The following NRG3 variants were observed in gnomAD, a reference collection of about 807,000 sequenced individuals.
NRG3 encodes neuregulin 3.
A neutral mutation model predicts 66.9 loss-of-function variants in NRG3; 31 were observed. The observed-to-expected ratio is 0.46, with a 90% confidence interval of 0.35 to 0.63. NRG3 has a LOEUF of 0.63. NRG3 is among the 20% of genes least tolerant of loss of function. NRG3 has a pLI of 0.00. For synonymous variants in NRG3, 393 were observed against 359.4 expected (o/e 1.09, Z -1.06); for missense variants, 910 against 878.9 (o/e 1.04, Z -0.45).
intron 2 of NRG3, among the ~76,000 whole-genome samples, chr10:82,505,852 C>T (rs1290999978): frequency 6.6e-6 from 1 of 152,206 alleles, no homozygotes; most frequent in Non-Finnish European, 1.5e-5. Context: ...AACCTAAGCT[C>T]ATGCAAATTT....
At chr10:82,859,672 A>C (rs560155459) in intron 3 of NRG3, among the ~76,000 whole-genome samples, 1 of 152,348 alleles carries the variant, frequency 6.6e-6, no homozygotes, top group African/African-American at 2.4e-5. Flanking sequence ...AAGAAGAAAA[A>C]GTTCAAGGGA....
intron 3 of NRG3, among the ~76,000 whole-genome samples, chr10:82,768,066 C>T (rs558568551): frequency 6.6e-5 from 10 of 152,260 alleles, no homozygotes; most frequent in African/African-American, 2.4e-4. Flanking sequence ...GAGTCACACT[C>T]TCTCAACAGA....
chr10:81,946,349 A>G (rs1234668132), intron 1 of NRG3, among the ~76,000 whole-genome samples: 2 of 152,166 alleles, frequency 1.3e-5, no homozygotes, highest in African/African-American at 4.8e-5. Flanking sequence ...GAACTGTGAG[A>G]TAAGTCCTGC....
intron 2 of NRG3, among the ~76,000 whole-genome samples, chr10:82,435,102 A>G (rs2090052808): frequency 6.6e-6 from 1 of 152,092 alleles, no homozygotes; most frequent in African/African-American, 2.4e-5. Context: ...TAGGCTATTC[A>G]TTACTGCCTC....
chr10:82,427,774 A>G (rs1283956454), intron 2 of NRG3, among the ~76,000 whole-genome samples: 1 of 152,096 alleles, frequency 6.6e-6, no homozygotes, highest in African/African-American at 2.4e-5. Flanking sequence ...GAAGATTTAC[A>G]AAGGACTGGT....
At chr10:82,648,001 T>G (rs1434100561) in intron 2 of NRG3, among the ~76,000 whole-genome samples, 5 of 148,314 alleles carry the variant, frequency 3.4e-5, no homozygotes, top group African/African-American at 4.9e-5. Flanking sequence ...AGAAGCTCTT[T>G]AGTTTAATTA....
intron 2 of NRG3, among the ~76,000 whole-genome samples, chr10:82,514,904 G>A (rs970423519): frequency 1.1e-4 from 17 of 152,066 alleles, no homozygotes; most frequent in Middle Eastern, 3.4e-3. Context: ...TCTTTTTGCC[G>A]TGTTAAATGA....
intron 2 of NRG3, among the ~76,000 whole-genome samples, chr10:82,694,324 A>T (rs995986485): frequency 5.9e-5 from 9 of 152,248 alleles, no homozygotes; most frequent in African/African-American, 2.2e-4. Context: ...CAGGAAGTCC[A>T]GCTGGCTTCA....
At chr10:82,813,575 G>A (rs889921565) in intron 3 of NRG3, among the ~76,000 whole-genome samples, 2 of 152,078 alleles carry the variant, frequency 1.3e-5, no homozygotes, top group African/African-American at 4.8e-5. Flanking sequence ...TTCCATATGA[G>A]ACTTCCTCGA....
intron 2 of NRG3, among the ~76,000 whole-genome samples, chr10:82,724,336 A>G (rs542646939): frequency 6.6e-6 from 1 of 152,194 alleles, no homozygotes; most frequent in South Asian, 2.1e-4. Flanking sequence ...GATGAATGTC[A>G]TACATAATGA....
In NRG3 at chr10:82,303,991, C is replaced by G. The variant is rs192872848; in HGVS notation, c.824-54748C>G. On this transcript the variant is annotated intron_variant, in intron 1 of 8. Transcript: ENST00000372141. Reference sequence around the variant, plus strand: ...AGCAATGTAACATGAATGACATTGTCATTTCCTGTGTAGGCCAGTATGCCT... The same window carrying G: ...AGCAATGTAACATGAATGACATTGTGATTTCCTGTGTAGGCCAGTATGCCT... 4.0e-3 allele frequency among the ~76,000 whole-genome samples: 606 copies of G among 152,264 alleles called. 2 individuals carry two copies. Among genetic ancestry groups the G allele is most frequent in the Non-Finnish European group, 5.2e-3 (353 of 68,016 alleles).
intron 2 of NRG3, among the ~76,000 whole-genome samples, chr10:82,431,067 T>A (rs186736784): frequency 6.6e-4 from 101 of 152,286 alleles, no homozygotes; most frequent in Middle Eastern, 3.4e-3. Context: ...AGGGTTTTGG[T>A]GGCTTGCCTC....
chr10:82,522,849 A>G (rs970773730), intron 2 of NRG3, among the ~76,000 whole-genome samples: 7 of 152,220 alleles, frequency 4.6e-5, no homozygotes, highest in Admixed American at 2.6e-4. Flanking sequence ...AAACAAATTC[A>G]TATCTCCATG....
intron 6 of NRG3, among the ~76,000 whole-genome samples, chr10:82,970,449 A>G (rs937685063): frequency 2.6e-5 from 4 of 152,144 alleles, no homozygotes; most frequent in African/African-American, 4.8e-5. Flanking sequence ...ACAGCTGTGC[A>G]CCACTGCACT....
chr10:82,804,079 C>A (rs2061171831), intron 3 of NRG3, among the ~76,000 whole-genome samples: 1 of 152,136 alleles, frequency 6.6e-6, no homozygotes, highest in Non-Finnish European at 1.5e-5. Context: ...TCAGATCAAC[C>A]ATCACAGTGG....
At chr10:82,329,811 C>T (rs1589739574) in intron 1 of NRG3, among the ~76,000 whole-genome samples, 1 of 152,126 alleles carries the variant, frequency 6.6e-6, no homozygotes, top group African/African-American at 2.4e-5. Context: ...CTCCTGGAAA[C>T]CAAAATGGCT....
chr10:82,216,468 G>T (rs2075684068), intron 1 of NRG3, among the ~76,000 whole-genome samples: 1 of 149,662 alleles, frequency 6.7e-6, no homozygotes, highest in African/African-American at 2.5e-5. Context: ...ATATGTGTGT[G>T]TGTGTGTGTG....
intron 1 of NRG3, among the ~76,000 whole-genome samples, chr10:82,356,652 C>CA: frequency 6.6e-6 from 1 of 152,282 alleles, no homozygotes; most frequent in African/African-American, 2.4e-5. Flanking sequence ...CATAAGTTCC[C>CA]ATTGCAATAC....
intron 1 of NRG3, among the ~76,000 whole-genome samples, chr10:82,348,792 T>C (rs1009576341): frequency 2.0e-5 from 3 of 151,780 alleles, no homozygotes; most frequent in African/African-American, 7.3e-5. Context: ...TCTCTAAACT[T>C]CCCATCTCAC....
Sources: allele counts gnomAD v4.1 joint callset (sites outside exome capture counted in the v4.1 genomes callset), GRCh38; gene constraint gnomAD v4.1.1; transcripts MANE v1.5; gene names NCBI Gene and HGNC (gene_info 2026-07-23, HGNC 2026-07-21).